TECR: variants seen among roughly 807,000 people sequenced by gnomAD.
The protein encoded by TECR is trans-2,3-enoyl-CoA reductase.
In TECR, 19 loss-of-function variants were observed where a neutral mutation model predicts 50.6. The observed-to-expected ratio is 0.38, with a 90% CI of 0.26 to 0.55. TECR has a LOEUF of 0.55. Ranked by LOEUF, TECR falls within the 20% of genes least tolerant of loss-of-function variation. TECR has a pLI of 0.79. For synonymous variants in TECR, 168 were observed against 163.5 expected, an observed-to-expected ratio of 1.03 and a Z score of -0.21; for missense variants, 313 against 408.3, an observed-to-expected ratio of 0.77 and a Z score of 2.01.
Position 14,563,797 on chromosome 19 carries a change from C to T in TECR, c.164-3C>T, listed in dbSNP as rs1005700615. 6.2e-7 allele frequency: 1 copy of T among 1,613,786 alleles called. No individual in the cohort carries two copies. The highest frequency in any genetic ancestry group is 2.2e-5 in the East Asian group (1 of 44,870). ...CCCTGAGCCCTGGCCCGCCTCTCTG[C>T]AGAGGGCAAGTCCCTGAAGGATGAG... On this transcript the variant is annotated splice_polypyrimidine_tract_variant and splice_region_variant and intron_variant, in intron 4 of 12. Transcript: ENST00000215567. This position sits in a 1 kb window ranked among gnomAD's most constrained non-coding sequence, Gnocchi z 5.3.
In TECR at chr19:14,565,746, G is replaced by T; in HGVS notation, c.802G>T (p.Ala268Ser). The change falls in exon 13 of 13, where the codon GCC becomes TCC. Residue 268 changes from alanine (A) to serine (S), a missense_variant and splice_region_variant. Transcript: ENST00000215567. ...CTGACGCCCGTTCTTTCCTGCAGTGGCCCTGTTCTCCCTGGTGGGCTTCAC... is the reference window on the plus strand; with the variant it reads ...CTGACGCCCGTTCTTTCCTGCAGTGTCCCTGTTCTCCCTGGTGGGCTTCAC... ...FAIMTQCLPVALFSLVGFTQM... is the reference protein window; with the variant it reads ...FAIMTQCLPVSLFSLVGFTQM... The T allele has an allele frequency of 6.2e-7, 1 of 1,612,308 alleles. No homozygotes were observed. The highest frequency in any genetic ancestry group is 8.5e-7 in the Non-Finnish European group (1 of 1,179,756).
intron 1 of TECR, among the ~76,000 whole-genome samples, chr19:14,535,555 T>A (rs1234730253): frequency 1.1e-4 from 1 of 8,988 alleles, no homozygotes; most frequent in Non-Finnish European, 2.1e-4. Context: ...TATATATATA[T>A]ATATATATAT....
At chr19:14,529,489 G>T (rs780843064), upstream of TECR, 1 of 699,144 alleles carries the variant, frequency 1.4e-6, no homozygotes, top group South Asian at 1.5e-5. Flanking sequence ...TCCTAGTCTT[G>T]GTTCGGACCG....
chr19:14,562,087 T>TC (rs2073918883), intron 1 of TECR: 2 of 444,664 alleles, frequency 4.5e-6, no homozygotes, highest in Middle Eastern at 6.2e-4. Context: ...GCAGCCTGGC[T>TC]CCCCGGGGAG....
At chr19:14,542,263 C>A (rs1261479543) in intron 1 of TECR, among the ~76,000 whole-genome samples, 3 of 151,118 alleles carry the variant, frequency 2.0e-5, no homozygotes, top group African/African-American at 7.3e-5. Flanking sequence ...CCATGCCCGA[C>A]CACATTCTAC....
chr19:14,561,276 C>T (rs915497075), intron 1 of TECR, among the ~76,000 whole-genome samples: 5 of 152,166 alleles, frequency 3.3e-5, no homozygotes, highest in Non-Finnish European at 7.4e-5. Flanking sequence ...CCTCTGGGGG[C>T]CCCCGCTGGG....
At chr19:14,549,467 T>TC (rs554539807) in intron 1 of TECR, among the ~76,000 whole-genome samples, 3 of 151,978 alleles carry the variant, frequency 2.0e-5, no homozygotes, top group Non-Finnish European at 4.4e-5. Context: ...TGATCTGCCC[T>TC]CCTTGGCCCC....
At chr19:14,551,591 C>CAGGAAAACA (rs2073508111) in intron 1 of TECR, among the ~76,000 whole-genome samples, 1 of 152,152 alleles carries the variant, frequency 6.6e-6, no homozygotes, top group South Asian at 2.1e-4. Flanking sequence ...GGCCCATTGG[C>CAGGAAAACA]TGTCTTAGCT....
intron 1 of TECR, among the ~76,000 whole-genome samples, chr19:14,557,604 A>G (rs1339772492): frequency 6.6e-6 from 1 of 150,554 alleles, no homozygotes; most frequent in Non-Finnish European, 1.5e-5. Context: ...GGCATGCACC[A>G]CCACGCCTGG....
At chr19:14,529,441 T>G, upstream of TECR, 1 of 624,948 alleles carries the variant, frequency 1.6e-6, no homozygotes, top group Non-Finnish European at 2.9e-6. Flanking sequence ...CCCCTTCGAT[T>G]GGTCTCGCAA....
chr19:14,561,791 A>G (rs2073910856), intron 1 of TECR, among the ~76,000 whole-genome samples: 1 of 152,200 alleles, frequency 6.6e-6, no homozygotes, highest in African/African-American at 2.4e-5. Flanking sequence ...GGTAACACAA[A>G]TGCACAAGGA....
chr19:14,556,203 G>A (rs1469646898), intron 1 of TECR, among the ~76,000 whole-genome samples: 2 of 152,112 alleles, frequency 1.3e-5, no homozygotes, highest in Non-Finnish European at 2.9e-5. Context: ...GCCACGCTAG[G>A]TATGGTCCAG....
chr19:14,558,692 T>TG (rs2073817009), intron 1 of TECR, among the ~76,000 whole-genome samples: 1 of 152,170 alleles, frequency 6.6e-6, no homozygotes, highest in South Asian at 2.1e-4. Context: ...TGGCCAGTGC[T>TG]GGGACCTCGC....
chr19:14,559,101 C>G (rs961315566), intron 1 of TECR, among the ~76,000 whole-genome samples: 3 of 152,166 alleles, frequency 2.0e-5, no homozygotes, highest in African/African-American at 7.2e-5. Flanking sequence ...ACCTCTCCTG[C>G]TCCTCCCACC....
At chr19:14,553,511 G>C (rs1346304478) in intron 1 of TECR, among the ~76,000 whole-genome samples, 2 of 152,300 alleles carry the variant, frequency 1.3e-5, no homozygotes, top group East Asian at 3.9e-4. Context: ...GGCCACTGGG[G>C]AAGGTGGTAT....
chr19:14,540,530 T>C (rs2073063470), intron 1 of TECR, among the ~76,000 whole-genome samples: 1 of 152,144 alleles, frequency 6.6e-6, no homozygotes, highest in Non-Finnish European at 1.5e-5. Flanking sequence ...TAGCTGGGAT[T>C]ACTGGTGCCC....
chr19:14,540,229 T>C (rs1816460122), intron 1 of TECR, among the ~76,000 whole-genome samples: 1 of 151,430 alleles, frequency 6.6e-6, no homozygotes, highest in Non-Finnish European at 1.5e-5. Flanking sequence ...CTGGCTAATT[T>C]ATTTTTTATT....
chr19:14,537,979 C>G (rs552544165), intron 1 of TECR, among the ~76,000 whole-genome samples: 1 of 152,080 alleles, frequency 6.6e-6, no homozygotes, highest in Non-Finnish European at 1.5e-5. Flanking sequence ...CTCTTGACCT[C>G]AGGTGATCCG....
intron 1 of TECR, chr19:14,532,168 A>G (rs1458324502): frequency 6.6e-6 from 1 of 152,206 alleles, no homozygotes; most frequent in Non-Finnish European, 1.5e-5. Flanking sequence ...CTTTTGTTCC[A>G]GGAAGCTGGG....
Sources: allele counts gnomAD v4.1 joint callset (sites outside exome capture counted in the v4.1 genomes callset), GRCh38; gene constraint gnomAD v4.1.1; non-coding constraint Gnocchi (gnomAD v3.1); transcripts MANE v1.5; gene names NCBI Gene and HGNC (gene_info 2026-07-23, HGNC 2026-07-21).